The following ZDHHC14 variants were observed in gnomAD, a reference collection of about 807,000 sequenced individuals.
ZDHHC14 encodes zDHHC palmitoyltransferase 14, also known as palmitoyltransferase ZDHHC14.
ZDHHC14 carries 16 observed loss-of-function variants against 47.7 expected under a neutral mutation model. That is an observed-to-expected ratio of 0.34 (90% confidence interval 0.23 to 0.51). The LOEUF (loss-of-function observed/expected upper bound fraction) is 0.51, where lower values mean the gene tolerates loss of function less well. Among genes scored for constraint, ZDHHC14 ranks in the 20% least tolerant of loss-of-function variants. ZDHHC14 has a pLI of 0.97. For missense variants in ZDHHC14, 515 were observed against 662.5 expected, an observed-to-expected ratio of 0.78 and a Z score of 2.44; for synonymous variants, 293 against 278.9, an observed-to-expected ratio of 1.05 and a Z score of -0.50.
chr6:157,580,019 G>C (rs528606865), intron 2 of ZDHHC14, among the ~76,000 whole-genome samples: 1 of 152,226 alleles, frequency 6.6e-6, no homozygotes, highest in South Asian at 2.1e-4. Context: ...TGTCAGCTGT[G>C]GGTTTGTCAT....
At chr6:157,660,896 G>T (rs1778317818) in intron 8 of ZDHHC14, among the ~76,000 whole-genome samples, 1 of 152,180 alleles carries the variant, frequency 6.6e-6, no homozygotes, top group Non-Finnish European at 1.5e-5. Context: ...GTAATACATG[G>T]TCTATTCAGA....
intron 2 of ZDHHC14, among the ~76,000 whole-genome samples, chr6:157,556,148 G>A (rs989702683): frequency 4.0e-5 from 6 of 151,824 alleles, no homozygotes; most frequent in Non-Finnish European, 5.9e-5. Context: ...CAAGCGTGGC[G>A]TACTCGGAGT....
intron 3 of ZDHHC14, among the ~76,000 whole-genome samples, chr6:157,620,918 A>C (rs1001064451): frequency 2.0e-5 from 3 of 152,212 alleles, no homozygotes; most frequent in African/African-American, 7.2e-5. Flanking sequence ...GGGAATAATA[A>C]CATTGAGTTC....
intron 1 of ZDHHC14, among the ~76,000 whole-genome samples, chr6:157,464,674 C>A (rs763594086): frequency 6.6e-6 from 1 of 152,122 alleles, no homozygotes; most frequent in Non-Finnish European, 1.5e-5. Context: ...TTCTAATGAT[C>A]TATTATTGTC....
intron 1 of ZDHHC14, among the ~76,000 whole-genome samples, chr6:157,408,777 T>A (rs1470669308): frequency 6.6e-6 from 1 of 152,242 alleles, no homozygotes; most frequent in Non-Finnish European, 1.5e-5. Flanking sequence ...TACATGTGCA[T>A]GTATCTTTAT....
chr6:157,491,667 T>C (rs1562447065), intron 1 of ZDHHC14, among the ~76,000 whole-genome samples: 1 of 152,208 alleles, frequency 6.6e-6, no homozygotes, highest in Non-Finnish European at 1.5e-5. Context: ...ATCAGCTGCT[T>C]TGGCTGGGAG....
intron 1 of ZDHHC14, among the ~76,000 whole-genome samples, chr6:157,540,678 G>A (rs930458996): frequency 6.6e-6 from 1 of 151,986 alleles, no homozygotes; most frequent in Non-Finnish European, 1.5e-5. Flanking sequence ...TTGAGAAGGG[G>A]GAAAAACGTG....
chr6:157,515,588 G>A (rs1042352979), intron 1 of ZDHHC14, among the ~76,000 whole-genome samples: 6 of 150,734 alleles, frequency 4.0e-5, no homozygotes, highest in Non-Finnish European at 5.9e-5. Flanking sequence ...CTCAGCTTCC[G>A]GAGTAGCTGG....
intron 1 of ZDHHC14, among the ~76,000 whole-genome samples, chr6:157,469,826 G>T (rs139816687): frequency 6.6e-6 from 1 of 152,164 alleles, no homozygotes; most frequent in Non-Finnish European, 1.5e-5. Context: ...GAGCAGAGCC[G>T]GAAAGATTTG....
At chr6:157,668,706 A>T (rs1213481007) in intron 8 of ZDHHC14, among the ~76,000 whole-genome samples, 2 of 152,118 alleles carry the variant, frequency 1.3e-5, no homozygotes, top group Admixed American at 1.3e-4. Flanking sequence ...TCTCAAAAAA[A>T]ACAAAACAAA....
intron 1 of ZDHHC14, among the ~76,000 whole-genome samples, chr6:157,479,044 C>T (rs1427588979): frequency 1.3e-5 from 2 of 152,158 alleles, no homozygotes; most frequent in Non-Finnish European, 2.9e-5. Flanking sequence ...GGAGATCTCT[C>T]CTCCCTGTAA....
At chr6:157,627,123 A>C (rs1785465982) in intron 3 of ZDHHC14, among the ~76,000 whole-genome samples, 1 of 152,192 alleles carries the variant, frequency 6.6e-6, no homozygotes, top group African/African-American at 2.4e-5. Flanking sequence ...ACTATCATTC[A>C]GGTGTCCTCA....
chr6:157,568,914 A>T (rs541852672), intron 2 of ZDHHC14, among the ~76,000 whole-genome samples: 2 of 152,246 alleles, frequency 1.3e-5, no homozygotes, highest in South Asian at 4.1e-4. Context: ...TTGCCTGTTC[A>T]TCTTTTTTGC....
At chr6:157,495,858 C>T (rs1213224580) in intron 1 of ZDHHC14, among the ~76,000 whole-genome samples, 1 of 151,944 alleles carries the variant, frequency 6.6e-6, no homozygotes, top group Non-Finnish European at 1.5e-5. Flanking sequence ...GCATGCGCCA[C>T]CACAGCTGGC....
intron 1 of ZDHHC14, among the ~76,000 whole-genome samples, chr6:157,534,840 C>T (rs1314060764): frequency 6.6e-6 from 1 of 152,256 alleles, no homozygotes; most frequent in African/African-American, 2.4e-5. Flanking sequence ...ATCTGCCCAC[C>T]TCAGCCTCCC....
chr6:157,403,782 A>G (rs1216768689), intron 1 of ZDHHC14, among the ~76,000 whole-genome samples: 55 of 152,246 alleles, frequency 3.6e-4, no homozygotes, highest in Admixed American at 3.6e-3. Context: ...ACACCATAAC[A>G]TAGACGCTGC....
At chr6:157,483,358 C>T (rs1007978236) in intron 1 of ZDHHC14, among the ~76,000 whole-genome samples, 1 of 152,176 alleles carries the variant, frequency 6.6e-6, no homozygotes, top group Non-Finnish European at 1.5e-5. Flanking sequence ...TACAAAACGG[C>T]AGCGTTGATG....
At chr6:157,668,230 A>G (rs1429784948) in intron 8 of ZDHHC14, among the ~76,000 whole-genome samples, 1 of 152,218 alleles carries the variant, frequency 6.6e-6, no homozygotes, top group East Asian at 1.9e-4. Context: ...CAGTCCCTCT[A>G]TCAGGGGAAA....
chr6:157,496,303 G>A lies in ZDHHC14; in HGVS notation c.246-46282G>A, dbSNP rs558405996. Among the ~76,000 whole-genome samples, 5 of 152,220 alleles carry A rather than the reference G, an allele frequency of 3.3e-5. No homozygotes were observed. In the East Asian group the frequency reaches 7.8e-4, roughly 24 times the overall value. Reference sequence around the variant, plus strand: ...GGTCTCTGTGCATAGGCCTCATGTGGCCTGTTGGGTATGGGGGTGGAGGTG... The same window carrying A: ...GGTCTCTGTGCATAGGCCTCATGTGACCTGTTGGGTATGGGGGTGGAGGTG... On this transcript the variant is annotated intron_variant, in intron 1 of 8. Transcript: ENST00000359775.
Sources: allele counts gnomAD v4.1 joint callset (sites outside exome capture counted in the v4.1 genomes callset), GRCh38; gene constraint gnomAD v4.1.1; transcripts MANE v1.5; gene names NCBI Gene and HGNC (gene_info 2026-07-23, HGNC 2026-07-21).